Variants in NR2F1-AS1 observed in about 807,000 individuals in gnomAD.
The protein encoded by NR2F1-AS1 is NR2F1 antisense RNA 1.
chr5:93,541,100 A>C (rs560293249), intron 4 of NR2F1-AS1, among the ~76,000 whole-genome samples: 1 of 152,250 alleles, frequency 6.6e-6, no homozygotes, highest in African/African-American at 2.4e-5. Flanking sequence ...ATTTGAGTTA[A>C]TTTTGACTGA....
chr5:93,564,150 A>AAAAAAC (rs1580337872), intron 1 of NR2F1-AS1, among the ~76,000 whole-genome samples: 1 of 127,904 alleles, frequency 7.8e-6, no homozygotes, highest in African/African-American at 3.6e-5. Flanking sequence ...AAAAAAAAAA[A>AAAAAAC]CACACAACTA....
intron 2 of NR2F1-AS1, among the ~76,000 whole-genome samples, chr5:93,562,195 A>AAAAAAGGAAAAGAAAAG (rs755007063): frequency 7.3e-6 from 1 of 136,664 alleles, no homozygotes; most frequent in Non-Finnish European, 1.5e-5. Flanking sequence ...AAAAAAAAAA[A>AAAAAAGGAAAAGAAAAG]AAAAGAAAAG....
chr5:93,480,920 A>C (rs188594433), intron 4 of NR2F1-AS1, among the ~76,000 whole-genome samples: 84 of 152,214 alleles, frequency 5.5e-4, no homozygotes, highest in South Asian at 1.0e-3. Context: ...TAAAAAATCC[A>C]ATCAAACACA....
At chr5:93,517,950 C>A (rs978166089) in intron 4 of NR2F1-AS1, among the ~76,000 whole-genome samples, 2 of 151,934 alleles carry the variant, frequency 1.3e-5, no homozygotes, top group African/African-American at 4.8e-5. Flanking sequence ...ATTAAAAAAA[C>A]CATTCATTAT....
intron 4 of NR2F1-AS1, among the ~76,000 whole-genome samples, chr5:93,539,725 G>T (rs1268801731): frequency 6.6e-6 from 1 of 152,040 alleles, no homozygotes. Flanking sequence ...TAACATTAAG[G>T]TATTCTCTAT....
At chr5:93,421,114 G>A (rs1749078263) in intron 4 of NR2F1-AS1, among the ~76,000 whole-genome samples, 1 of 152,040 alleles carries the variant, frequency 6.6e-6, no homozygotes, top group East Asian at 1.9e-4. Flanking sequence ...ATTTTTCATT[G>A]CAATTCTGGC....
chr5:93,525,282 AAAGAGATCAATGCAACAAG>A (rs1751587958), intron 4 of NR2F1-AS1, among the ~76,000 whole-genome samples: 1 of 152,194 alleles, frequency 6.6e-6, no homozygotes, highest in African/African-American at 2.4e-5. Context: ...CATAATGGTA[AAAGAGATCAATGCAACAAG>A]AAGAGCTAAC....
chr5:93,578,453 G>A (rs979709515), intron 1 of NR2F1-AS1, among the ~76,000 whole-genome samples: 1 of 152,000 alleles, frequency 6.6e-6, no homozygotes, highest in African/African-American at 2.4e-5. Flanking sequence ...GTGGGAACCA[G>A]GAAGGCAGAG....
At chr5:93,432,744 C>G (rs1023071174) in intron 4 of NR2F1-AS1, among the ~76,000 whole-genome samples, 2 of 152,188 alleles carry the variant, frequency 1.3e-5, no homozygotes, top group African/African-American at 4.8e-5. Flanking sequence ...ACAATTATAG[C>G]TTCTTTTGTC....
chr5:93,537,120 A>G (rs139007108), intron 4 of NR2F1-AS1, among the ~76,000 whole-genome samples: 412 of 152,290 alleles, frequency 2.7e-3, no homozygotes, highest in African/African-American at 9.5e-3. Flanking sequence ...ACAGTGTGAA[A>G]ATGGACTAAT....
chr5:93,533,329 G>A (rs1237276810), intron 4 of NR2F1-AS1, among the ~76,000 whole-genome samples: 4 of 151,896 alleles, frequency 2.6e-5, no homozygotes, highest in South Asian at 2.1e-4. Context: ...TTATTTTCAC[G>A]AGTTATTTTC....
At chr5:93,569,330 A>G (rs1381406985) in intron 1 of NR2F1-AS1, among the ~76,000 whole-genome samples, 2 of 152,206 alleles carry the variant, frequency 1.3e-5, no homozygotes, top group Admixed American at 6.5e-5. Context: ...AAGATCCAGA[A>G]TCAGAAAGCG....
At chr5:93,431,402 G>A (rs1217517169) in intron 4 of NR2F1-AS1, among the ~76,000 whole-genome samples, 1 of 152,176 alleles carries the variant, frequency 6.6e-6, no homozygotes, top group Non-Finnish European at 1.5e-5. Context: ...ATGATTGATT[G>A]AGGTAACTGA....
intron 4 of NR2F1-AS1, among the ~76,000 whole-genome samples, chr5:93,415,862 T>G (rs1488549192): frequency 5.3e-5 from 8 of 152,224 alleles, no homozygotes; most frequent in Admixed American, 2.0e-4. Context: ...GATGGGCACT[T>G]TTTTTGCTTC....
intron 1 of NR2F1-AS1, among the ~76,000 whole-genome samples, chr5:93,580,102 G>C (rs893152550): frequency 5.3e-5 from 8 of 152,368 alleles, no homozygotes; most frequent in Admixed American, 3.3e-4. Context: ...AGGAACAGCC[G>C]GGCCGGTGTT....
intron 4 of NR2F1-AS1, among the ~76,000 whole-genome samples, chr5:93,416,152 A>T (rs1054300203): frequency 6.6e-5 from 10 of 152,244 alleles, no homozygotes; most frequent in African/African-American, 2.4e-4. Context: ...AGATGAAAAT[A>T]AAATTAAACA....
chr5:93,510,091 G>A (rs1489408919), intron 4 of NR2F1-AS1, among the ~76,000 whole-genome samples: 3 of 152,026 alleles, frequency 2.0e-5, no homozygotes, highest in Non-Finnish European at 2.9e-5. Context: ...GGAGACAAAC[G>A]TGAATTTATC....
At chr5:93,456,953 A>C (rs1370838969) in intron 4 of NR2F1-AS1, among the ~76,000 whole-genome samples, 1 of 152,240 alleles carries the variant, frequency 6.6e-6, no homozygotes, top group East Asian at 1.9e-4. Flanking sequence ...AATGCTTTAA[A>C]GAGCACTATT....
intron 2 of NR2F1-AS1, among the ~76,000 whole-genome samples, chr5:93,561,601 C>T (rs574476760): frequency 3.3e-5 from 5 of 151,674 alleles, no homozygotes; most frequent in South Asian, 4.2e-4. Flanking sequence ...AGTGAGACCC[C>T]GTCTCTACAA....
Sources: allele counts gnomAD v4.1 joint callset (sites outside exome capture counted in the v4.1 genomes callset), GRCh38; gene constraint gnomAD v4.1.1; transcripts MANE v1.5; gene names NCBI Gene and HGNC (gene_info 2026-07-23, HGNC 2026-07-21).